Variants in NIPSNAP2 observed in about 807,000 individuals in gnomAD.
NIPSNAP2 encodes nipsnap homolog 2, also known as protein NipSnap homolog 2.
NIPSNAP2 carries 42 observed loss-of-function variants against 48.4 expected under a neutral mutation model. That is an observed-to-expected ratio of 0.87 (90% CI 0.68 to 1.12). The LOEUF (loss-of-function observed/expected upper bound fraction) is 1.12. Ranked by LOEUF, NIPSNAP2 falls within the 50% of genes most tolerant of loss-of-function variation. The pLI is 0.00. For synonymous variants in NIPSNAP2, 158 were observed against 126.6 expected (o/e 1.25, Z -1.67); for missense variants, 314 against 347.3 (o/e 0.90, Z 0.76).
At chr7:55,996,873 CAAAT>C (rs987332373) in intron 8 of NIPSNAP2, among the ~76,000 whole-genome samples, 42 of 152,046 alleles carry the variant, frequency 2.8e-4, no homozygotes, top group African/African-American at 9.4e-4. Flanking sequence ...AACAAACAAA[CAAAT>C]AATTTTTTTA....
At chr7:55,994,221 G>A (rs964013164) in intron 7 of NIPSNAP2, among the ~76,000 whole-genome samples, 3 of 152,192 alleles carry the variant, frequency 2.0e-5, no homozygotes, top group Non-Finnish European at 4.4e-5. Context: ...TCCCCTCTGA[G>A]GGTGTTCTGG....
chr7:55,995,079 T>C (rs926175980), intron 8 of NIPSNAP2, 91 bp downstream of exon 8: 1 of 1,064,644 alleles, frequency 9.4e-7, no homozygotes, highest in African/African-American at 1.6e-5. Context: ...GTCAGTAACC[T>C]TAACCACTAC....
intron 5 of NIPSNAP2, among the ~76,000 whole-genome samples, chr7:55,983,066 T>C (rs1325008497): frequency 7.3e-6 from 1 of 137,512 alleles, no homozygotes; most frequent in Non-Finnish European, 1.6e-5. Flanking sequence ...GAGGTTGCAG[T>C]GTGCCGAGAC....
intron 2 of NIPSNAP2, 25 bp downstream of exon 2, chr7:55,978,290 A>G: frequency 2.5e-6 from 4 of 1,613,320 alleles, no homozygotes; most frequent in Admixed American, 3.3e-5. Context: ...TGCTATCTTC[A>G]TAGTTGACTT....
rs1242921177 is a variant in NIPSNAP2, at chr7:55,994,904, A to G, written c.628A>G (p.Ile210Val). ...IEWGNYWARA[I>V]RFRQDGNEAV... ...ATCTCATTCTTACAGGGCTCGTGCAATCCGCTTCAGACAGGATGGTAACGA... is the reference window on the plus strand; with the variant it reads ...ATCTCATTCTTACAGGGCTCGTGCAGTCCGCTTCAGACAGGATGGTAACGA... Residue 210 changes from isoleucine (I) to valine (V), a missense_variant, in exon 8 of 10, where the codon ATC becomes GTC. Coordinates refer to ENST00000322090, the MANE Select transcript of NIPSNAP2 (RefSeq NM_001483.3). The G allele has an allele frequency of 8.1e-6, 13 of 1,614,146 alleles. No individual in the cohort carries two copies. Among genetic ancestry groups the G allele is most frequent in the East Asian group, 2.2e-5 (1 of 44,878 alleles).
intron 8 of NIPSNAP2, among the ~76,000 whole-genome samples, chr7:55,997,096 C>T (rs937775935): frequency 6.6e-6 from 1 of 151,516 alleles, no homozygotes; most frequent in Non-Finnish European, 1.5e-5. Context: ...GAGGTCAAGG[C>T]CGTGGTGAAA....
In NIPSNAP2 at chr7:55,998,493, G is replaced by GTTTTTTTTT. The variant is rs1164855630; in HGVS notation, c.797-497_797-489dup. On this transcript the variant is annotated intron_variant, in intron 9 of 9. Transcript: ENST00000322090. ...TAAAACAAATATCCAGGTAGGATCT[G>GTTTTTTTTT]TTTTTTTTTTTTTTTTTTTTTTTTT... is the stretch of plus-strand genomic sequence containing the variant. Among the ~76,000 whole-genome samples the GTTTTTTTTT allele has an allele frequency of 8.1e-4, 51 of 63,198 alleles. 12 individuals carry two copies. The highest frequency in any genetic ancestry group is 1.2e-3 in the Non-Finnish European group (39 of 33,732). 41.5% of individuals were successfully genotyped at this position (63,198 alleles called of 152,430 possible).
chr7:55,978,032 G>A (rs774094817), intron 1 of NIPSNAP2, 94 bp from the exon 2 acceptor site: 61 of 1,402,450 alleles, frequency 4.3e-5, no homozygotes, highest in Admixed American at 1.0e-4. Flanking sequence ...GTTCTGGAAC[G>A]GTGCCTAGAA....
intron 9 of NIPSNAP2, among the ~76,000 whole-genome samples, chr7:55,998,569 C>T (rs1399196554): frequency 5.3e-5 from 7 of 131,858 alleles, no homozygotes; most frequent in Admixed American, 2.7e-4. Flanking sequence ...GACGCGATCT[C>T]GGCTCACTGC....
At chr7:55,964,862 G>C (rs1786857101) in intron 1 of NIPSNAP2, 161 bp downstream of exon 1, 1 of 232,962 alleles carries the variant, frequency 4.3e-6, no homozygotes, top group East Asian at 1.0e-4. Flanking sequence ...GGCCGGAGCT[G>C]GGGCGGGGTC....
At chr7:55,998,616 T>C in intron 9 of NIPSNAP2, among the ~76,000 whole-genome samples, 1 of 141,506 alleles carries the variant, frequency 7.1e-6, no homozygotes, top group African/African-American at 2.6e-5. Context: ...TTCTCCCGCC[T>C]CAGCCTCCTG....
At chr7:55,985,745 C>CAAA (rs11290048) in intron 7 of NIPSNAP2, among the ~76,000 whole-genome samples, 2 of 89,656 alleles carry the variant, frequency 2.2e-5, no homozygotes, top group African/African-American at 9.2e-5. Context: ...GACCCTGTCT[C>CAAA]AAAAAAAAAA....
intron 1 of NIPSNAP2, among the ~76,000 whole-genome samples, chr7:55,966,449 A>C (rs1486440187): frequency 6.6e-6 from 1 of 152,048 alleles, no homozygotes; most frequent in African/African-American, 2.4e-5. Flanking sequence ...CCTAATAATA[A>C]ATAAGTACAT....
chr7:55,977,777 A>G (rs747053998), intron 1 of NIPSNAP2, among the ~76,000 whole-genome samples: 5 of 148,704 alleles, frequency 3.4e-5, no homozygotes, highest in Admixed American at 2.0e-4. Flanking sequence ...CCTTACCCCA[A>G]CCTCCCCTTT....
intron 7 of NIPSNAP2, among the ~76,000 whole-genome samples, chr7:55,986,983 TAAAAAAAAAA>T (rs71561981): frequency 1.8e-5 from 1 of 54,800 alleles, no homozygotes; most frequent in Non-Finnish European, 3.2e-5. Flanking sequence ...CCTGTCTCTA[TAAAAAAAAAA>T]AAAAAAAAAA....
Position 55,987,525 on chromosome 7 carries a change from G to T in NIPSNAP2, c.617+2647G>T, listed in dbSNP as rs112669413. 8.7e-4 allele frequency among the ~76,000 whole-genome samples: 133 copies of T among 152,290 alleles called. 2 individuals carry two copies. The highest frequency in any genetic ancestry group is 3.0e-3 in the African/African-American group (126 of 41,572). On this transcript the variant is annotated intron_variant, in intron 7 of 9. Transcript: ENST00000322090. Reference sequence around the variant, plus strand: ...CACCTGTAGCCCCAGCTACTCAGCAGGCTGAGGCAGGAGAATCACTTGAAC... The same window carrying T: ...CACCTGTAGCCCCAGCTACTCAGCATGCTGAGGCAGGAGAATCACTTGAAC...
At chr7:55,978,300 T>C (rs752060117) in intron 2 of NIPSNAP2, 35 bp downstream of exon 2, 2 of 1,613,008 alleles carry the variant, frequency 1.2e-6, no homozygotes, top group Non-Finnish European at 1.7e-6. Context: ...ATAGTTGACT[T>C]TTTTTCCCCT....
At chr7:55,985,599 T>C (rs1220779122) in intron 7 of NIPSNAP2, among the ~76,000 whole-genome samples, 2 of 151,758 alleles carry the variant, frequency 1.3e-5, no homozygotes, top group Non-Finnish European at 2.9e-5. Context: ...TAAATAAAAC[T>C]AGCCAGGTGT....
At position 55,999,204 on chromosome 7, in the gene NIPSNAP2, C is replaced by T; in HGVS notation, c.*132C>T. The T allele has an allele frequency of 1.4e-6, 1 of 710,114 alleles. No homozygotes were observed. The highest frequency in any genetic ancestry group is 2.7e-5 in the Admixed American group (1 of 36,896). 44.0% of individuals were successfully genotyped at this position (710,114 alleles called of 1,614,324 possible). A position where few individuals can be genotyped will look rare whatever the true frequency, so the allele number is the denominator to read the frequency against. ...GCTGTATATAGCTTGTGAGAAACCT[C>T]TTTTCTTTAAAATTTACATAATCAC... On this transcript the variant is annotated 3_prime_UTR_variant, in exon 10 of 10. Coordinates refer to ENST00000322090, the MANE Select transcript of NIPSNAP2 (RefSeq NM_001483.3).
Sources: gnomAD v4.1 joint callset for allele counts (sites outside exome capture counted in the v4.1 genomes callset) on GRCh38, gnomAD v4.1.1 for gene constraint, MANE v1.5 for transcripts, NCBI Gene and HGNC (gene_info 2026-07-23, HGNC 2026-07-21) for gene names.